IQSEC1: variants seen among roughly 807,000 people sequenced by gnomAD.
IQSEC1 encodes IQ motif and SEC7 domain-containing protein 1.
A neutral mutation model predicts 91.0 loss-of-function variants in IQSEC1; 31 were observed. The ratio of observed to expected loss-of-function variants is 0.34; its 90% confidence interval spans 0.26 to 0.46. IQSEC1 has a LOEUF of 0.46. IQSEC1 is among the 20% of genes least tolerant of loss of function. IQSEC1 has a pLI of 1.00. For synonymous variants in IQSEC1, 699 were observed against 662.6 expected (o/e 1.05, Z -0.84); for missense variants, 1,388 against 1,575.6 (o/e 0.88, Z 2.02).
chr3:13,063,768 TG>T (rs1361996926), intron 1 of IQSEC1, among the ~76,000 whole-genome samples: 1 of 152,146 alleles, frequency 6.6e-6, no homozygotes, highest in Non-Finnish European at 1.5e-5. Context: ...CCAGTGCCCC[TG>T]GTGGGATGCA....
chr3:13,216,684 A>C (rs60055937), intron 1 of IQSEC1, among the ~76,000 whole-genome samples: 3,638 of 152,354 alleles, frequency 0.024, 83 homozygotes, highest in African/African-American at 0.066. Flanking sequence ...TGCGGAAGCC[A>C]GTGAGAGAGG....
chr3:13,004,350 A>G (rs1702543585), intron 1 of IQSEC1, among the ~76,000 whole-genome samples: 1 of 152,196 alleles, frequency 6.6e-6, no homozygotes, highest in African/African-American at 2.4e-5. Context: ...TGTGAAGCAG[A>G]GATGATCAAA....
intron 2 of IQSEC1, among the ~76,000 whole-genome samples, chr3:13,161,295 G>A (rs67964818): frequency 2.0e-5 from 3 of 152,168 alleles, no homozygotes; most frequent in Non-Finnish European, 2.9e-5. Context: ...GGGGGAGTGC[G>A]GGAGGAGAAG....
intron 1 of IQSEC1, among the ~76,000 whole-genome samples, chr3:12,976,225 TGGAA>T (rs1701164805): frequency 6.6e-6 from 1 of 152,190 alleles, no homozygotes; most frequent in Non-Finnish European, 1.5e-5. Context: ...CCTGGCCCTC[TGGAA>T]GGGAGTGACA....
chr3:13,257,734 G>A (rs1490464657), intron 1 of IQSEC1, among the ~76,000 whole-genome samples: 6 of 152,178 alleles, frequency 3.9e-5, no homozygotes, highest in Non-Finnish European at 1.5e-5. Context: ...AATTAAAAAC[G>A]GCACAGCCAC....
At position 12,940,933 on chromosome 3, in the gene IQSEC1, T is replaced by C. The variant is rs957363394; in HGVS notation, c.318+638A>G. ...GGCTCAACCCTGAGAGGCTACCTCT[T>C]GTCCTCCCTCAAGCCCAGCCCTAGG... On this transcript the variant is annotated intron_variant, in intron 2 of 13. Coordinates refer to ENST00000613206, the MANE Select transcript of IQSEC1 (RefSeq NM_001134382.3). The surrounding 1 kb of genome is among the most constrained non-coding windows in gnomAD (Gnocchi z 4.4). 6.6e-6 allele frequency among the ~76,000 whole-genome samples: 1 copy of C among 152,094 alleles called. No homozygotes were observed. Among genetic ancestry groups the C allele is most frequent in the African/African-American group, 2.4e-5 (1 of 41,410 alleles).
At chr3:13,013,283 GC>G (rs1259267285) in intron 1 of IQSEC1, among the ~76,000 whole-genome samples, 2 of 152,138 alleles carry the variant, frequency 1.3e-5, no homozygotes, top group Admixed American at 1.3e-4. Context: ...CCACTTCAAT[GC>G]TCCCACACGC....
chr3:13,002,678 G>T (rs902203475), intron 1 of IQSEC1, among the ~76,000 whole-genome samples: 2 of 152,094 alleles, frequency 1.3e-5, no homozygotes, highest in Non-Finnish European at 2.9e-5. Flanking sequence ...ATGGGCAAAA[G>T]GTTTGAATAC....
chr3:12,923,441 G>T lies in IQSEC1; in HGVS notation c.1730+1140C>A, dbSNP rs114529373. ...CTAACGATACAGCAGGCTTCTCCAG[G>T]TGCTGAGCAGGGAGAAAGATGCCCA... On this transcript the variant is annotated intron_variant, in intron 4 of 13. Transcript: ENST00000613206. Among the ~76,000 whole-genome samples, 1,128 of 152,334 alleles carry T rather than the reference G, an allele frequency of 7.4e-3. 19 individuals are homozygous for T. Among genetic ancestry groups the T allele is most frequent in the African/African-American group, 0.026 (1,081 of 41,560 alleles).
chr3:12,965,990 A>G (rs762657633), intron 1 of IQSEC1, among the ~76,000 whole-genome samples: 2 of 152,194 alleles, frequency 1.3e-5, no homozygotes, highest in Non-Finnish European at 2.9e-5. Flanking sequence ...TACTGACAAG[A>G]CTGAATGCTC....
At chr3:13,110,043 C>T (rs979678503) in intron 2 of IQSEC1, among the ~76,000 whole-genome samples, 4 of 151,612 alleles carry the variant, frequency 2.6e-5, no homozygotes, top group Non-Finnish European at 5.9e-5. Flanking sequence ...CCACCACACC[C>T]GGCTAGTTTT....
chr3:12,967,646 A>G lies in IQSEC1; in HGVS notation c.24-25781T>C. The G allele has an allele frequency of 8.2e-7, 1 of 1,213,658 alleles. No individual in the cohort carries two copies. The highest frequency in any genetic ancestry group is 1.0e-6 in the Non-Finnish European group (1 of 977,140). The allele number at this position is 1,213,658 out of a possible 1,614,324, so 75.2% of individuals were successfully genotyped here. A position where few individuals can be genotyped will look rare whatever the true frequency, so the allele number is the denominator to read the frequency against. On this transcript the variant is annotated intron_variant, in intron 1 of 13. Transcript: ENST00000613206. The surrounding 1 kb of genome is among the most constrained non-coding windows in gnomAD (Gnocchi z 5.9). ...TCCCGCGGCTCCGGCCCCAAGTCCG[A>G]GCCCCAGGCCAGCCAAGCCCGCCCC... is the stretch of plus-strand genomic sequence containing the variant.
Position 12,899,089 on chromosome 3 carries a change from T to G in IQSEC1, c.*1894A>C, listed in dbSNP as rs577420807. 2 of 465,092 alleles carry G rather than the reference T, an allele frequency of 4.3e-6. No individual in the cohort carries two copies. The highest frequency in any genetic ancestry group is 3.0e-5 in the South Asian group (1 of 33,376). The allele number at this position is 465,092 out of a possible 1,614,324, so 28.8% of individuals were successfully genotyped here. A position where few individuals can be genotyped will look rare whatever the true frequency, so the allele number is the denominator to read the frequency against. ...CTAAACTCTAGATTGCTGTATTTGC[T>G]CTCTCTGGAGATTAACAAAGTGCTT... On this transcript the variant is annotated 3_prime_UTR_variant, in exon 14 of 14. Transcript: ENST00000613206.
At chr3:13,072,890 T>A in intron 1 of IQSEC1, 102 bp downstream of exon 1, 2 of 1,060,972 alleles carry the variant, frequency 1.9e-6, no homozygotes, top group Non-Finnish European at 2.8e-6. Context: ...CACCTGCACA[T>A]CCACCTGCCC....
At chr3:12,942,641 G>T (rs1698864069) in intron 1 of IQSEC1, among the ~76,000 whole-genome samples, 1 of 152,260 alleles carries the variant, frequency 6.6e-6, no homozygotes, top group South Asian at 2.1e-4. Flanking sequence ...TAACAAAAGC[G>T]ATTCTGTACT....
chr3:13,216,156 A>G (rs1223087697), intron 1 of IQSEC1, among the ~76,000 whole-genome samples: 1 of 152,266 alleles, frequency 6.6e-6, no homozygotes, highest in Non-Finnish European at 1.5e-5. Context: ...CAAAGGACAC[A>G]GTCATTGCAC....
At chr3:13,162,784 C>T (rs566017433) in intron 2 of IQSEC1, among the ~76,000 whole-genome samples, 2 of 152,306 alleles carry the variant, frequency 1.3e-5, no homozygotes, top group Admixed American at 6.5e-5. Context: ...CTCAGGGCCA[C>T]GCTGTGTTCC....
At position 13,259,576 on chromosome 3, in the gene IQSEC1, A is replaced by AT. The variant is rs1452696543; in HGVS notation, c.272+23134dup. Among the ~76,000 whole-genome samples, 10 of 152,240 alleles carry AT rather than the reference A, an allele frequency of 6.6e-5. No individual in the cohort carries two copies. Among genetic ancestry groups the AT allele is most frequent in the African/African-American group, 2.4e-4 (10 of 41,476 alleles). On this transcript the variant is annotated intron_variant, in intron 1 of 15. Coordinates refer to the IQSEC1 transcript ENST00000648114. The surrounding 1 kb of genome is among the most constrained non-coding windows in gnomAD (Gnocchi z 4.6). ...GGCTGATGGATGCAGTGTTTAAGCC[A>AT]TAACTGTTTTCACTAAGTGTTCATT...
intron 1 of IQSEC1, among the ~76,000 whole-genome samples, chr3:13,010,320 T>G (rs1702824838): frequency 6.6e-6 from 1 of 152,208 alleles, no homozygotes; most frequent in African/African-American, 2.4e-5. Context: ...CCATCTAATT[T>G]GGGTCAGCTA....
Sources: allele counts gnomAD v4.1 joint callset (sites outside exome capture counted in the v4.1 genomes callset), GRCh38; gene constraint gnomAD v4.1.1; non-coding constraint Gnocchi (gnomAD v3.1); transcripts MANE v1.5; gene names NCBI Gene and HGNC (gene_info 2026-07-23, HGNC 2026-07-21).